The following CDH2 variants were observed in gnomAD, a reference collection of about 807,000 sequenced individuals.
The protein encoded by CDH2 is cadherin 2, also known as cadherin-2.
A neutral mutation model predicts 92.0 loss-of-function variants in CDH2; 17 were observed. The ratio of observed to expected loss-of-function variants is 0.18; its 90% CI spans 0.13 to 0.28. The LOEUF is 0.28. Among genes scored for constraint, CDH2 ranks in the 10% least tolerant of loss-of-function variants. The pLI is 1.00. For missense variants in CDH2, 862 were observed against 1,133.1 expected (o/e 0.76, Z 3.44); for synonymous variants, 419 against 415.9 (o/e 1.01, Z -0.09).
At chr18:27,947,536 T>C (rs1226493499), downstream of CDH2, among the ~76,000 whole-genome samples, 3 of 151,830 alleles carry the variant, frequency 2.0e-5, no homozygotes, top group East Asian at 5.8e-4. Context: ...AAGAGGCTTC[T>C]TCAGAACTGA....
At chr18:28,034,675 A>C (rs1053815855) in intron 2 of CDH2, among the ~76,000 whole-genome samples, 5 of 151,882 alleles carry the variant, frequency 3.3e-5, no homozygotes, top group African/African-American at 4.8e-5. Flanking sequence ...AGAAAACAAC[A>C]ACCACAATAA....
At chr18:28,026,935 C>A (rs1211751460) in intron 2 of CDH2, among the ~76,000 whole-genome samples, 2 of 152,098 alleles carry the variant, frequency 1.3e-5, no homozygotes, top group Admixed American at 1.3e-4. Context: ...ACAGAATCAG[C>A]AGGTAGAAGG....
At position 28,013,718 on chromosome 18, in the gene CDH2, T is replaced by C; in HGVS notation, c.364A>G (p.Ser122Gly). ...QEKWQVAVKLSLKPTLTEESV... is the reference protein window; with the variant it reads ...QEKWQVAVKLGLKPTLTEESV... ...TCCTCAGTTAAGGTTGGCTTCAGGC[T>C]CAATTTTACTGCCACTTGCCACTTT... is the stretch of plus-strand genomic sequence containing the variant. Residue 122 changes from serine to glycine, a missense_variant, in exon 3 of 16, where the codon AGC becomes GGC. Around this residue, in one of 5 missense-constraint regions of CDH2, gnomAD observed 159 missense variants for 177.2 expected, o/e 0.90. Transcript: ENST00000269141. 1 of 1,613,956 alleles carries C rather than the reference T, an allele frequency of 6.2e-7. No individual in the cohort carries two copies. The highest frequency in any genetic ancestry group is 8.5e-7 in the Non-Finnish European group (1 of 1,179,890).
At chr18:28,088,825 A>C (rs1220726946) in intron 2 of CDH2, among the ~76,000 whole-genome samples, 2 of 152,226 alleles carry the variant, frequency 1.3e-5, no homozygotes, top group Non-Finnish European at 2.9e-5. Context: ...CCAAAGTGTG[A>C]AATGAGTGGA....
intron 2 of CDH2, among the ~76,000 whole-genome samples, chr18:28,083,365 T>A (rs760454108): frequency 6.6e-6 from 1 of 152,182 alleles, no homozygotes; most frequent in African/African-American, 2.4e-5. Context: ...ATAGCTAGAC[T>A]GATCATAGCA....
chr18:28,063,569 C>T (rs1309227467), intron 2 of CDH2, among the ~76,000 whole-genome samples: 11 of 152,148 alleles, frequency 7.2e-5, no homozygotes, highest in Non-Finnish European at 1.5e-5. Context: ...ATCATTAACA[C>T]ATCCTAATAA....
Position 27,990,183 on chromosome 18 carries a change from A to T in CDH2, c.1512T>A (p.Ile504=), listed in dbSNP as rs2012367855. The change falls in exon 10 of 16, where the codon ATT becomes ATA. Residue 504 remains isoleucine, a synonymous_variant. Coordinates refer to ENST00000269141, the MANE Select transcript of CDH2 (RefSeq NM_001792.5). ...CGGCATGAAGCCCTTCTTCTTGGCG[A>T]ATGATCTTAGGATTGGGGGCAAAAT... ...NPYFAPNPKI[I]RQEEGLHAGT... The T allele has an allele frequency of 1.9e-6, 3 of 1,613,968 alleles. No individual in the cohort carries two copies. The South Asian group carries it at 3.3e-5, about 18-fold the overall frequency.
chr18:27,989,164 C>T (rs962825039), intron 10 of CDH2, among the ~76,000 whole-genome samples: 3 of 152,216 alleles, frequency 2.0e-5, no homozygotes, highest in African/African-American at 7.2e-5. Context: ...CCCATTCCTA[C>T]TTGAATCTTT....
chr18:27,997,907 C>T (rs865802700), intron 7 of CDH2, among the ~76,000 whole-genome samples: 6 of 151,902 alleles, frequency 3.9e-5, no homozygotes, highest in African/African-American at 7.3e-5. Flanking sequence ...CCCGGGTTCA[C>T]GCCATTCTCC....
At chr18:28,172,129 T>TG (rs2016475036) in intron 1 of CDH2, among the ~76,000 whole-genome samples, 1 of 151,176 alleles carries the variant, frequency 6.6e-6, no homozygotes, top group Admixed American at 6.6e-5. Context: ...TCCAAGGGCT[T>TG]GGGGGCTGTA....
At chr18:28,009,174 G>A (rs1003164618) in intron 5 of CDH2, among the ~76,000 whole-genome samples, 1 of 152,080 alleles carries the variant, frequency 6.6e-6, no homozygotes, top group Non-Finnish European at 1.5e-5. Context: ...GTGTAAAAAC[G>A]ATGTTATACT....
intron 2 of CDH2, among the ~76,000 whole-genome samples, chr18:28,054,806 C>A (rs992947718): frequency 1.3e-5 from 2 of 152,134 alleles, no homozygotes; most frequent in African/African-American, 4.8e-5. Flanking sequence ...CCTCTCAAAC[C>A]TTTGTTGCCA....
chr18:28,126,234 T>C (rs772367580), intron 2 of CDH2, among the ~76,000 whole-genome samples: 5 of 152,174 alleles, frequency 3.3e-5, no homozygotes, highest in Non-Finnish European at 7.4e-5. Flanking sequence ...AATAGATATA[T>C]GGAATAACAC....
At chr18:28,145,745 G>C (rs1301848787) in intron 2 of CDH2, among the ~76,000 whole-genome samples, 1 of 151,670 alleles carries the variant, frequency 6.6e-6, no homozygotes, top group Non-Finnish European at 1.5e-5. Flanking sequence ...TAAACAGTAT[G>C]TTTCAAGCTT....
At chr18:28,086,482 AC>A (rs2014930216) in intron 2 of CDH2, among the ~76,000 whole-genome samples, 1 of 152,056 alleles carries the variant, frequency 6.6e-6, no homozygotes, top group African/African-American at 2.4e-5. Flanking sequence ...AAGACTGTGT[AC>A]CTAACAAAAA....
At chr18:28,171,722 A>AT (rs2016467359) in intron 1 of CDH2, among the ~76,000 whole-genome samples, 1 of 152,172 alleles carries the variant, frequency 6.6e-6, no homozygotes, top group African/African-American at 2.4e-5. Context: ...TGTGTTTGAG[A>AT]TATTTTTTAA....
chr18:27,987,274 C>T lies in CDH2; in HGVS notation c.1741+1250G>A, dbSNP rs2012265752. Among the ~76,000 whole-genome samples, 3 of 152,178 alleles carry T rather than the reference C, an allele frequency of 2.0e-5. No homozygotes were observed. In the South Asian group the frequency reaches 6.2e-4, roughly 32 times the overall value. On this transcript the variant is annotated intron_variant, in intron 11 of 15. Coordinates refer to ENST00000269141, the MANE Select transcript of CDH2 (RefSeq NM_001792.5). ...ATGGCAAAAAAGCATAAAACAGGTA[C>T]TAATGACATGCTTTGATGTACAATG...
At position 28,050,324 on chromosome 18, in the gene CDH2, T is replaced by G. The variant is rs376541700; in HGVS notation, c.173-36415A>C. Reference sequence around the variant, plus strand: ...TGCTGATAGCATATAGTTATAAGCCTTAGTATTATACAATTGGACCTTCTT... The same window carrying G: ...TGCTGATAGCATATAGTTATAAGCCGTAGTATTATACAATTGGACCTTCTT... On this transcript the variant is annotated intron_variant, in intron 2 of 15. Coordinates refer to ENST00000269141, the MANE Select transcript of CDH2 (RefSeq NM_001792.5). 3.3e-5 allele frequency among the ~76,000 whole-genome samples: 5 copies of G among 152,186 alleles called. No individual in the cohort carries two copies. In the East Asian group the frequency reaches 7.7e-4, roughly 23 times the overall value.
chr18:28,016,617 T>G (rs7244253), intron 2 of CDH2, among the ~76,000 whole-genome samples: 1 of 152,190 alleles, frequency 6.6e-6, no homozygotes, highest in South Asian at 2.1e-4. Flanking sequence ...GTTTCTGTTC[T>G]GCAGATGAGG....
Sources: gnomAD v4.1 joint callset for allele counts (sites outside exome capture counted in the v4.1 genomes callset) on GRCh38, gnomAD v4.1.1 for gene constraint, gnomAD v4.1.1 regional missense constraint, MANE v1.5 for transcripts, NCBI Gene and HGNC (gene_info 2026-07-23, HGNC 2026-07-21) for gene names.